Variants in ELMO2 observed in about 807,000 individuals in gnomAD.
ELMO2 encodes the protein engulfment and cell motility 2.
ELMO2 carries 37 observed loss-of-function variants against 96.2 expected under a neutral mutation model. The ratio of observed to expected loss-of-function variants is 0.38; its 90% CI spans 0.30 to 0.51. The LOEUF is 0.51. Ranked by LOEUF, ELMO2 falls within the 20% of genes least tolerant of loss-of-function variation. ELMO2 has a pLI of 0.88. For missense variants in ELMO2, 561 were observed against 912.6 expected, an observed-to-expected ratio of 0.61 and a Z score of 4.96; for synonymous variants, 315 against 329.4, an observed-to-expected ratio of 0.96 and a Z score of 0.47.
chr20:46,374,877 C>A (rs970188650), intron 13 of ELMO2, among the ~76,000 whole-genome samples: 1 of 152,138 alleles, frequency 6.6e-6, no homozygotes, highest in African/African-American at 2.4e-5. Context: ...TGAGTAGGTA[C>A]GCAAGAAATA....
At chr20:46,390,366 C>G (rs2060130605) in intron 6 of ELMO2, among the ~76,000 whole-genome samples, 1 of 152,178 alleles carries the variant, frequency 6.6e-6, no homozygotes, top group African/African-American at 2.4e-5. Flanking sequence ...TGTGAAAAGC[C>G]TGGCAATTTT....
chr20:46,376,850 C>T, intron 11 of ELMO2: 1 of 1,233,078 alleles, frequency 8.1e-7, no homozygotes, highest in Non-Finnish European at 1.0e-6. Context: ...AGCCACTAGC[C>T]ATATGCAGCT....
chr20:46,367,590 T>C (rs1284178785), intron 21 of ELMO2, 30 bp from the exon 22 acceptor site: 1 of 1,566,378 alleles, frequency 6.4e-7, no homozygotes, highest in African/African-American at 1.4e-5. Context: ...AAATGTCACA[T>C]CGTGACCCCT....
chr20:46,375,300 G>C lies in ELMO2; in HGVS notation c.1001C>G (p.Pro334Arg). The C allele has an allele frequency of 6.2e-7, 1 of 1,614,136 alleles. No homozygotes were observed. The highest frequency in any genetic ancestry group is 8.5e-7 in the Non-Finnish European group (1 of 1,180,022). ...FDAESDPSNA[P>R]GSGTEKRKAM... ...TTTGCGTTTTTCGGTCCCACTCCCA[G>C]GGGCATTGCTAGGATCAGACTCTGC... Residue 334 changes from proline (P) to arginine (R), a missense_variant, in exon 13 of 22, where the codon CCT becomes CGT. Physicochemically the swap from Pro to Arg is moderately radical, Grantham distance 103. Transcript: ENST00000290246. This position sits in a 1 kb window ranked among gnomAD's most constrained non-coding sequence, Gnocchi z 4.6.
rs1568766386 is a variant in ELMO2 at position 46,383,409 on chromosome 20, C to T, written c.756+7G>A. ...CAGATGAAAAATGTGAAAAGGCAGC[C>T]ACAGACCTGTCGTTTGTCCTCAGGA... On this transcript the variant is annotated splice_region_variant and intron_variant, in intron 10 of 21. Transcript: ENST00000290246. 5.0e-6 allele frequency: 8 copies of T among 1,613,734 alleles called. No homozygotes were observed. Among genetic ancestry groups the T allele is most frequent in the African/African-American group, 4.0e-5 (3 of 74,914 alleles).
chr20:46,372,079 C>A, intron 16 of ELMO2, 110 bp from the exon 17 acceptor site: 1 of 1,355,436 alleles, frequency 7.4e-7, no homozygotes, highest in Non-Finnish European at 1.0e-6. Flanking sequence ...GCAGGGCAGG[C>A]ACTACAGACA....
chr20:46,394,448 A>G lies in ELMO2; in HGVS notation c.35T>C (p.Ile12Thr), dbSNP rs2060210140. 1 of 1,614,140 alleles carries G rather than the reference A, an allele frequency of 6.2e-7. No homozygotes were observed. Among genetic ancestry groups the G allele is most frequent in the Non-Finnish European group, 8.5e-7 (1 of 1,180,002 alleles). The change falls in exon 3 of 22, where the codon ATT (isoleucine) becomes ACT (threonine). Residue 12 changes from isoleucine to threonine, a missense_variant. Ile to Thr is a moderately conservative substitution (Grantham distance 89). Transcript: ENST00000290246. ...PPPSDIVKVA[I>T]EWPGANAQLL... ...CTGGGCGTTAGCACCTGGCCACTCAATGGCCACTTTGACAATGTCTGACGG... is the reference window on the plus strand; with the variant it reads ...CTGGGCGTTAGCACCTGGCCACTCAGTGGCCACTTTGACAATGTCTGACGG...
chr20:46,404,063 G>A (rs1034679651), intron 1 of ELMO2, among the ~76,000 whole-genome samples: 2 of 151,946 alleles, frequency 1.3e-5, no homozygotes, highest in African/African-American at 2.4e-5. Context: ...CAGCCTGGGC[G>A]ACAAGAGTAA....
At chr20:46,374,098 G>GGTTTTTTTTTTTTTTT (rs2059795981) in intron 15 of ELMO2, among the ~76,000 whole-genome samples, 1 of 63,030 alleles carries the variant, frequency 1.6e-5, no homozygotes. Context: ...CTAATTTTTG[G>GGTTTTTTTTTTTTTTT]TTTTTTTTTT....
At chr20:46,378,316 A>T (rs538678308) in intron 11 of ELMO2, among the ~76,000 whole-genome samples, 2 of 152,278 alleles carry the variant, frequency 1.3e-5, no homozygotes, top group East Asian at 3.9e-4. Flanking sequence ...CTGCCAGGCC[A>T]CTTAAGTCCT....
rs190120848 is a variant in ELMO2, at chr20:46,398,099, G to A, written c.-51+598C>T. The stretch of plus-strand genomic sequence containing the variant: ...CCAAGCTCTGCAGGAACTCTAAAAC[G>A]GAGGTCTGAGCAGACAGCAGCATCA... On this transcript the variant is annotated intron_variant, in intron 2 of 21. Transcript: ENST00000290246. Among the ~76,000 whole-genome samples the A allele has an allele frequency of 4.6e-5, 7 of 152,190 alleles. No individual in the cohort carries two copies. The East Asian group carries it at 7.7e-4, about 17-fold the overall frequency.
chr20:46,382,137 A>G lies in ELMO2; in HGVS notation c.756+1279T>C, dbSNP rs1223289586. ...CTGAACATCTAGATCAGACCATGAG[A>G]TTCTTGCCTAGCTTTGACTTCCCCA... On this transcript the variant is annotated intron_variant, in intron 10 of 21. Coordinates refer to ENST00000290246, the MANE Select transcript of ELMO2 (RefSeq NM_133171.5). The G allele has an allele frequency of 2.4e-6, 3 of 1,248,648 alleles. No homozygotes were observed. The African/African-American group carries it at 4.6e-5, about 19-fold the overall frequency. The allele number at this position is 1,248,648 out of a possible 1,614,324, so 77.3% of individuals were successfully genotyped here. A position where few individuals can be genotyped will look rare whatever the true frequency, so the allele number is the denominator to read the frequency against.
chr20:46,388,989 G>C, intron 7 of ELMO2, 50 bp downstream of exon 7: 1 of 1,570,186 alleles, frequency 6.4e-7, no homozygotes, highest in African/African-American at 1.3e-5. Context: ...TGCCCTGTGG[G>C]ATGTAGTAAA....
chr20:46,381,593 A>G (rs1253805207), intron 10 of ELMO2, among the ~76,000 whole-genome samples: 1 of 152,214 alleles, frequency 6.6e-6, no homozygotes. Context: ...AGGTCGACTG[A>G]GATTAAATCT....
intron 11 of ELMO2, among the ~76,000 whole-genome samples, chr20:46,378,782 A>C (rs2059906104): frequency 6.6e-6 from 1 of 152,248 alleles, no homozygotes; most frequent in African/African-American, 2.4e-5. Context: ...CCTGCTAAGC[A>C]CAGTATTATA....
In ELMO2 at chr20:46,394,469, G is replaced by A; in HGVS notation, c.14C>T (p.Ser5Leu). MPPP[S>L]DIVKVAIEWP... ...CTCAATGGCCACTTTGACAATGTCT[G>A]ACGGTGGTGGCATCGTTCCCAATGG... The change falls in exon 3 of 22, where the codon TCA becomes TTA. Residue 5 changes from serine to leucine, a missense_variant. By Grantham distance (145) the Ser-to-Leu change is moderately radical. Transcript: ENST00000290246. 1 of 1,614,250 alleles carries A rather than the reference G, an allele frequency of 6.2e-7. No homozygotes were observed. Among genetic ancestry groups the A allele is most frequent in the African/African-American group, 1.3e-5 (1 of 75,060 alleles).
rs548815401 is a variant in ELMO2, at chr20:46,395,642, G to A, written c.-50-1110C>T. 5.9e-5 allele frequency among the ~76,000 whole-genome samples: 9 copies of A among 152,288 alleles called. No individual in the cohort carries two copies. In the South Asian group the frequency reaches 1.7e-3, roughly 28 times the overall value. On this transcript the variant is annotated intron_variant, in intron 2 of 21. Transcript: ENST00000290246. ...GATGTCAGTTCTCACAGCCTGGTAA[G>A]TATAAACCTCTTAGATGAAAAGGAG...
chr20:46,399,483 C>T (rs1213158494), intron 1 of ELMO2, among the ~76,000 whole-genome samples: 1 of 152,210 alleles, frequency 6.6e-6, no homozygotes, highest in Admixed American at 6.5e-5. Context: ...GTTACCTCCT[C>T]CTTGTACTAG....
At chr20:46,404,104 C>T (rs555474966) in intron 1 of ELMO2, among the ~76,000 whole-genome samples, 5 of 152,238 alleles carry the variant, frequency 3.3e-5, no homozygotes, top group Admixed American at 6.5e-5. Flanking sequence ...ATAGAAAAGC[C>T]AGGCTATAAA....
Sources: allele counts gnomAD v4.1 joint callset (sites outside exome capture counted in the v4.1 genomes callset), GRCh38; gene constraint gnomAD v4.1.1; non-coding constraint Gnocchi (gnomAD v3.1); transcripts MANE v1.5; gene names NCBI Gene and HGNC (gene_info 2026-07-23, HGNC 2026-07-21).